Variants in ST7L observed in about 807,000 individuals in gnomAD.
The protein encoded by ST7L is suppressor of tumorigenicity 7 protein-like.
A neutral mutation model predicts 72.5 loss-of-function variants in ST7L; 57 were observed. That is an observed-to-expected ratio of 0.79 (90% CI 0.64 to 0.98). ST7L has a LOEUF of 0.98. Among genes scored for constraint, ST7L ranks in the 50% least tolerant of loss-of-function variants. ST7L has a pLI of 0.00. For synonymous variants in ST7L, 221 were observed against 240.9 expected (o/e 0.92, Z 0.77); for missense variants, 576 against 672.2 (o/e 0.86, Z 1.58).
At position 112,525,221 on chromosome 1, in the gene ST7L, T is replaced by C. The variant is rs1653216359; in HGVS notation, c.*792A>G. On this transcript the variant is annotated 3_prime_UTR_variant, in exon 15 of 15. Transcript: ENST00000358039. The stretch of plus-strand genomic sequence containing the variant: ...CCTGTGGTTGTTTTTAACTCTTAAC[T>C]GGGTTAGAAAACTGGAGAGCTTTGG... The C allele has an allele frequency of 6.6e-6, 1 of 152,216 alleles. No individual in the cohort carries two copies. The highest frequency in any genetic ancestry group is 2.1e-4 in the South Asian group (1 of 4,830). 9.4% of individuals were successfully genotyped at this position (152,216 alleles called of 1,614,324 possible).
intron 13 of ST7L, among the ~76,000 whole-genome samples, chr1:112,549,009 G>A (rs1406306883): frequency 6.6e-6 from 1 of 151,868 alleles, no homozygotes; most frequent in African/African-American, 2.4e-5. Context: ...TTGTGTGTGT[G>A]TGTGTGTGTG....
chr1:112,582,458 C>T lies in ST7L; in HGVS notation c.871G>A (p.Val291Ile), dbSNP rs138568923. 236 of 1,596,086 alleles carry T rather than the reference C, an allele frequency of 1.5e-4. 1 individual carries two copies. In the African/African-American group the frequency reaches 2.8e-3, roughly 19 times the overall value. Residue 291 changes from valine (V) to isoleucine (I), a missense_variant, in exon 8 of 15, where the codon GTA becomes ATA. Val to Ile is a conservative substitution (Grantham distance 29). Transcript: ENST00000358039. ...HEAQLRRDTN[V>I]LVYIKRRLAM... Reference sequence around the variant, plus strand: ...AATCTTCTTTTAATATATACCAGTACATTGGTATCTCTCCCTATTTAGAAA... The same window carrying T: ...AATCTTCTTTTAATATATACCAGTATATTGGTATCTCTCCCTATTTAGAAA...
chr1:112,608,560 T>A (rs1298444817), intron 3 of ST7L, among the ~76,000 whole-genome samples: 2 of 152,212 alleles, frequency 1.3e-5, no homozygotes, highest in South Asian at 2.1e-4. Context: ...AAGGTTATCT[T>A]CACTCTCATT....
chr1:112,543,725 C>T (rs143282581), intron 13 of ST7L, among the ~76,000 whole-genome samples: 3,044 of 151,786 alleles, frequency 0.02, 104 homozygotes, highest in African/African-American at 0.069. Flanking sequence ...AAAGATTAGC[C>T]AGGCATGGTG....
chr1:112,560,857 G>A (rs1246427307), intron 11 of ST7L, among the ~76,000 whole-genome samples: 1 of 151,976 alleles, frequency 6.6e-6, no homozygotes, highest in Non-Finnish European at 1.5e-5. Context: ...CAGCTACTTG[G>A]GAGGCTGAGG....
chr1:112,531,073 C>T (rs1487397753), intron 14 of ST7L, among the ~76,000 whole-genome samples: 2 of 152,194 alleles, frequency 1.3e-5, no homozygotes, highest in Admixed American at 6.5e-5. Context: ...TAGCTCTTTC[C>T]TATTCTCTCA....
chr1:112,605,766 T>C (rs762624128), intron 3 of ST7L, among the ~76,000 whole-genome samples: 2 of 151,942 alleles, frequency 1.3e-5, no homozygotes, highest in African/African-American at 2.4e-5. Context: ...GGGGTGGCAG[T>C]GTCACCCCCA....
rs763236576 is a variant in ST7L, at chr1:112,582,066, T to C, written c.995A>G (p.His332Arg). Reference protein sequence around the residue: ...EFPPLTMLNIHENLLESLLEL... With the variant: ...EFPPLTMLNIRENLLESLLEL... ...TAAAAGTGATTCTAAGAGATTTTCA[T>C]GGATGTTCAACATGGTAAGAGGAGG... The change falls in exon 9 of 15, where the codon CAT (histidine) becomes CGT (arginine). Residue 332 changes from histidine (H) to arginine (R), a missense_variant. His to Arg is a conservative substitution (Grantham distance 29, BLOSUM62 0). Coordinates refer to ENST00000358039, the MANE Select transcript of ST7L (RefSeq NM_017744.5). The C allele has an allele frequency of 3.1e-6, 5 of 1,613,476 alleles. No individual in the cohort carries two copies. In the South Asian group the frequency reaches 5.5e-5, roughly 18 times the overall value.
intron 2 of ST7L, among the ~76,000 whole-genome samples, 180 bp from the exon 3 acceptor site, chr1:112,611,183 C>T (rs144211134): frequency 6.6e-4 from 101 of 152,276 alleles, no homozygotes; most frequent in African/African-American, 2.3e-3. Flanking sequence ...AAGTGAAATA[C>T]ATTTTTTATA....
rs1351058518 is a variant in ST7L, at chr1:112,542,012, G to A, written c.1568C>T (p.Thr523Ile). The change falls in exon 14 of 15, where the codon ACA (threonine) becomes ATA (isoleucine). Residue 523 changes from threonine (T) to isoleucine (I), a missense_variant. Thr to Ile is a moderately conservative substitution (Grantham distance 89). Coordinates refer to ENST00000358039, the MANE Select transcript of ST7L (RefSeq NM_017744.5). The part of the protein sequence containing the change: ...IHFTAGFCSS[T>I]AMIAILTHQF... ...GTGAGTGAGAATGGCTATCATTGCT[G>A]TAGAAGAGCAAAATCCTGCTGTGAA... is the stretch of plus-strand genomic sequence containing the variant. 2.5e-6 allele frequency: 4 copies of A among 1,613,754 alleles called. No individual in the cohort carries two copies. The African/African-American group carries it at 4.0e-5, about 16-fold the overall frequency.
intron 4 of ST7L, among the ~76,000 whole-genome samples, chr1:112,600,335 G>A (rs1265379449): frequency 6.6e-6 from 1 of 152,080 alleles, no homozygotes; most frequent in East Asian, 1.9e-4. Context: ...ACTGCACCTG[G>A]CCTCTACCAA....
chr1:112,610,236 G>A (rs2101029841), intron 3 of ST7L, among the ~76,000 whole-genome samples: 1 of 152,224 alleles, frequency 6.6e-6, no homozygotes, highest in East Asian at 1.9e-4. Flanking sequence ...CCTTCCTACT[G>A]ATTGGAATGT....
chr1:112,559,491 CAA>C (rs1254241790), intron 11 of ST7L, among the ~76,000 whole-genome samples: 2 of 151,554 alleles, frequency 1.3e-5, no homozygotes, highest in African/African-American at 4.9e-5. Flanking sequence ...CTCGGCTTCC[CAA>C]AGTGCTGGGA....
chr1:112,535,384 CTAATAA>C lies in ST7L; in HGVS notation c.1629+6561_1629+6566del, dbSNP rs202040552. ...CAGACTCTGTCTCCAAATAATAATA[CTAATAA>C]TAATAAGAAGAAGAAGAAGAAGAAG... On this transcript the variant is annotated intron_variant, in intron 14 of 14. Transcript: ENST00000358039. 1.5e-4 allele frequency among the ~76,000 whole-genome samples: 23 copies of C among 148,532 alleles called. No homozygotes were observed. In the South Asian group the frequency reaches 4.8e-3, roughly 31 times the overall value.
chr1:112,617,821 C>T (rs1031762569), intron 1 of ST7L, among the ~76,000 whole-genome samples: 4 of 151,698 alleles, frequency 2.6e-5, no homozygotes, highest in African/African-American at 7.3e-5. Flanking sequence ...ATATGGTTAA[C>T]GTAGAAAAAT....
At chr1:112,557,956 T>C (rs931581774) in intron 11 of ST7L, among the ~76,000 whole-genome samples, 14 of 152,230 alleles carry the variant, frequency 9.2e-5, no homozygotes, top group African/African-American at 3.1e-4. Flanking sequence ...AAAAGCAGTG[T>C]AATCACAGTT....
At chr1:112,543,409 G>A (rs887175851) in intron 13 of ST7L, among the ~76,000 whole-genome samples, 6 of 152,036 alleles carry the variant, frequency 3.9e-5, no homozygotes, top group Non-Finnish European at 7.4e-5. Flanking sequence ...TTAGGTGGGC[G>A]TGGTGACACG....
downstream of ST7L, chr1:112,520,330 G>C (rs747201302): frequency 1.9e-6 from 3 of 1,614,214 alleles, no homozygotes; most frequent in South Asian, 2.2e-5. Context: ...AAAAGGAACA[G>C]ACGGTTGTGA....
downstream of ST7L, among the ~76,000 whole-genome samples, chr1:112,518,991 C>A (rs1652712438): frequency 6.6e-6 from 1 of 152,124 alleles, no homozygotes; most frequent in African/African-American, 2.4e-5. Flanking sequence ...GTTTAATTTT[C>A]ATTAATTTAG....
Sources: allele counts gnomAD v4.1 joint callset (sites outside exome capture counted in the v4.1 genomes callset), GRCh38; gene constraint gnomAD v4.1.1; transcripts MANE v1.5; gene names NCBI Gene and HGNC (gene_info 2026-07-23, HGNC 2026-07-21).